The following MKLN1 variants were observed in gnomAD, a reference collection of about 807,000 sequenced individuals.
MKLN1 encodes muskelin 1.
MKLN1 carries 18 observed loss-of-function variants against 99.0 expected under a neutral mutation model. The observed-to-expected ratio is 0.18, with a 90% CI of 0.13 to 0.27. The LOEUF (loss-of-function observed/expected upper bound fraction) is 0.27, where lower values mean the gene tolerates loss of function less well. Among genes scored for constraint, MKLN1 ranks in the 10% least tolerant of loss-of-function variants. The pLI is 1.00. For missense variants in MKLN1, 621 were observed against 875.9 expected (o/e 0.71, Z 3.67); for synonymous variants, 288 against 293.2 (o/e 0.98, Z 0.18).
chr7:131,132,991 C>T (rs2116231962), intron 1 of MKLN1, among the ~76,000 whole-genome samples: 2 of 137,828 alleles, frequency 1.5e-5, no homozygotes, highest in South Asian at 5.1e-4. Flanking sequence ...AAAACCAGAG[C>T]ATGACTGTGC....
intron 1 of MKLN1, among the ~76,000 whole-genome samples, chr7:131,132,272 C>T (rs1413601339): frequency 1.3e-5 from 2 of 152,194 alleles, no homozygotes; most frequent in Non-Finnish European, 2.9e-5. Flanking sequence ...CACAGAAGCA[C>T]TGTGTCCTGG....
intron 3 of MKLN1, 51 bp downstream of exon 3, chr7:131,387,313 T>C: frequency 6.6e-7 from 1 of 1,522,438 alleles, no homozygotes. Flanking sequence ...AAACGTAGTC[T>C]TAGTCTTTTT....
At chr7:131,428,094 C>G (rs1795411430) in intron 8 of MKLN1, among the ~76,000 whole-genome samples, 1 of 151,964 alleles carries the variant, frequency 6.6e-6, no homozygotes, top group African/African-American at 2.4e-5. Flanking sequence ...TTGCTTGAAC[C>G]CAGGAGGCTG....
intron 3 of MKLN1, among the ~76,000 whole-genome samples, chr7:131,227,517 C>CTTTCTTTCTT (rs1318626132): frequency 1.5e-5 from 2 of 135,054 alleles, no homozygotes; most frequent in African/African-American, 5.5e-5. Context: ...TTCTTTCTTT[C>CTTTCTTTCTT]TTTCTTTCTT....
At chr7:131,117,623 C>G (rs1795298209) in intron 1 of MKLN1, among the ~76,000 whole-genome samples, 1 of 152,110 alleles carries the variant, frequency 6.6e-6, no homozygotes. Context: ...CATTGCATTT[C>G]TTTTTAAAAG....
intron 3 of MKLN1, among the ~76,000 whole-genome samples, chr7:131,216,292 G>A (rs547339433): frequency 4.0e-4 from 60 of 151,544 alleles, no homozygotes; most frequent in African/African-American, 1.2e-3. Flanking sequence ...GCGTGGTGGC[G>A]CACTCCTGTA....
chr7:131,225,004 C>T (rs540292063), intron 3 of MKLN1, among the ~76,000 whole-genome samples: 4 of 149,710 alleles, frequency 2.7e-5, no homozygotes, highest in East Asian at 3.9e-4. Flanking sequence ...ACCCGGGAGG[C>T]GGAGCTTGCA....
chr7:131,192,324 C>A (rs1386826412), intron 2 of MKLN1, among the ~76,000 whole-genome samples: 61 of 65,594 alleles, frequency 9.3e-4, no homozygotes, highest in Admixed American at 1.4e-3. Flanking sequence ...ATAATATATA[C>A]AATATATAAA....
intron 2 of MKLN1, among the ~76,000 whole-genome samples, chr7:131,184,248 C>G (rs1267593932): frequency 6.6e-6 from 1 of 152,140 alleles, no homozygotes; most frequent in Non-Finnish European, 1.5e-5. Context: ...ACTCCGCCTC[C>G]CTAGTAGCTG....
At chr7:131,224,366 C>T (rs1376348872) in intron 3 of MKLN1, among the ~76,000 whole-genome samples, 1 of 151,926 alleles carries the variant, frequency 6.6e-6, no homozygotes, top group Non-Finnish European at 1.5e-5. Context: ...GCCAACATGG[C>T]GAAACCCCAT....
intron 3 of MKLN1, among the ~76,000 whole-genome samples, chr7:131,231,664 G>A (rs2116475724): frequency 6.6e-6 from 1 of 152,290 alleles, no homozygotes; most frequent in East Asian, 1.9e-4. Context: ...GTAGGTGTGT[G>A]TCCATTTGGA....
At chr7:131,291,723 C>T (rs1309310183) in intron 3 of MKLN1, among the ~76,000 whole-genome samples, 1 of 134,044 alleles carries the variant, frequency 7.5e-6, no homozygotes, top group Non-Finnish European at 1.6e-5. Flanking sequence ...AGTTGGATGA[C>T]AGCAATAAGT....
intron 1 of MKLN1, among the ~76,000 whole-genome samples, chr7:131,369,297 A>G (rs532152658): frequency 6.6e-6 from 1 of 152,304 alleles, no homozygotes; most frequent in East Asian, 1.9e-4. Flanking sequence ...TTTAGATTTT[A>G]ATAAATTTTA....
chr7:131,431,304 G>A (rs1795515315), intron 9 of MKLN1, among the ~76,000 whole-genome samples: 1 of 152,026 alleles, frequency 6.6e-6, no homozygotes, highest in South Asian at 2.1e-4. Context: ...TAAACCCTGT[G>A]GTTAGCTTCA....
chr7:131,439,922 T>A (rs1446701484), intron 10 of MKLN1, among the ~76,000 whole-genome samples: 1 of 147,630 alleles, frequency 6.8e-6, no homozygotes, highest in Non-Finnish European at 1.5e-5. Context: ...ACACACAGTC[T>A]CTCTCTCTCA....
chr7:131,444,847 G>C (rs1795963654), intron 11 of MKLN1, among the ~76,000 whole-genome samples: 1 of 150,354 alleles, frequency 6.7e-6, no homozygotes, highest in Admixed American at 6.7e-5. Context: ...GTGGAAGTAG[G>C]AGACAGGGCC....
chr7:131,262,836 A>G (rs941582806), intron 3 of MKLN1, among the ~76,000 whole-genome samples: 9 of 151,416 alleles, frequency 5.9e-5, no homozygotes, highest in East Asian at 3.9e-4. Flanking sequence ...ATGAGCCACC[A>G]CCCCCAGCCT....
At chr7:131,267,411 A>G (rs905777628) in intron 3 of MKLN1, among the ~76,000 whole-genome samples, 1 of 152,166 alleles carries the variant, frequency 6.6e-6, no homozygotes, top group Non-Finnish European at 1.5e-5. Context: ...TCCCTCCACC[A>G]GGGTCCTGAC....
chr7:131,209,315 T>C (rs780876121), intron 3 of MKLN1, among the ~76,000 whole-genome samples: 2 of 152,180 alleles, frequency 1.3e-5, no homozygotes, highest in African/African-American at 4.8e-5. Flanking sequence ...GTTTGGGCAA[T>C]GAATTGCAGA....
Sources: allele counts gnomAD v4.1 joint callset (sites outside exome capture counted in the v4.1 genomes callset), GRCh38; gene constraint gnomAD v4.1.1; transcripts MANE v1.5; gene names NCBI Gene and HGNC (gene_info 2026-07-23, HGNC 2026-07-21).